Variants in ZNF248 observed in about 807,000 individuals in gnomAD.
ZNF248 encodes the protein zinc finger protein 248, also known as KRAB protein domain.
ZNF248 carries 20 observed loss-of-function variants against 44.3 expected under a neutral mutation model. The observed-to-expected ratio is 0.45, with a 90% CI of 0.32 to 0.66. ZNF248 has a LOEUF of 0.66. Among genes scored for constraint, ZNF248 ranks in the 30% least tolerant of loss-of-function variants. The pLI, the probability that ZNF248 is intolerant of heterozygous loss-of-function variation, is 0.04. For synonymous variants in ZNF248, 224 were observed against 229.0 expected (o/e 0.98, Z 0.20); for missense variants, 654 against 677.0 (o/e 0.97, Z 0.38).
the ZNF248 span, among the ~76,000 whole-genome samples, chr10:37,763,310 C>A: frequency 2.0e-5 from 3 of 152,208 alleles, no homozygotes; most frequent in Non-Finnish European, 2.9e-5. Flanking sequence ...TGCAAGACTG[C>A]CTCCTTTGAA....
At position 37,838,202 on chromosome 10, in the gene ZNF248, A is replaced by T. The variant is rs1784494722; in HGVS notation, c.16-91T>A. 1.6e-5 allele frequency: 20 copies of T among 1,260,226 alleles called. No homozygotes were observed. The South Asian group carries it at 2.9e-4, about 18-fold the overall frequency. The allele number at this position is 1,260,226 out of a possible 1,614,324, so 78.1% of individuals were successfully genotyped here. A position where few individuals can be genotyped will look rare whatever the true frequency, so the allele number is the denominator to read the frequency against. On this transcript the variant is annotated intron_variant, in intron 3 of 5. Coordinates refer to ENST00000395867, the MANE Select transcript of ZNF248 (RefSeq NM_021045.3). ...AACTAATCTCTTTAGAGTTTACTAA[A>T]AAATGACAGGTTACCTCCCTCTGTG...
At chr10:37,784,346 A>G (rs931506322) in intron 6 of ZNF248, among the ~76,000 whole-genome samples, 2 of 152,200 alleles carry the variant, frequency 1.3e-5, no homozygotes, top group East Asian at 3.9e-4. Context: ...CCCTTGAGTG[A>G]ATAATTGGAA....
chr10:37,817,793 C>A (rs193283887), intron 6 of ZNF248, among the ~76,000 whole-genome samples: 2 of 152,198 alleles, frequency 1.3e-5, no homozygotes, highest in South Asian at 2.1e-4. Context: ...CAAACACCAT[C>A]CCCAGCTGAG....
chr10:37,774,515 T>A (rs749802822), downstream of ZNF248, among the ~76,000 whole-genome samples: 45 of 152,248 alleles, frequency 3.0e-4, no homozygotes, highest in Admixed American at 5.2e-4. Context: ...ATAAAACACC[T>A]GGGGATATGC....
downstream of ZNF248, among the ~76,000 whole-genome samples, chr10:37,826,898 A>G (rs771251679): frequency 4.6e-5 from 7 of 152,212 alleles, no homozygotes; most frequent in Non-Finnish European, 1.0e-4. Context: ...TAAATTCTCT[A>G]CAGGCTCATA....
the ZNF248 span, among the ~76,000 whole-genome samples, chr10:37,761,755 A>G: frequency 6.6e-6 from 1 of 152,346 alleles, no homozygotes; most frequent in Non-Finnish European, 1.5e-5. Context: ...CTGAATTAAT[A>G]ATTCTTCAAA....
intron 3 of ZNF248, among the ~76,000 whole-genome samples, chr10:37,854,243 T>C (rs995775389): frequency 6.6e-5 from 10 of 152,072 alleles, no homozygotes; most frequent in Admixed American, 1.3e-4. Context: ...ATTAATAAAC[T>C]GGACAACAAA....
intron 3 of ZNF248, among the ~76,000 whole-genome samples, chr10:37,848,586 C>CA (rs11297654): frequency 9.1e-4 from 126 of 138,236 alleles, no homozygotes; most frequent in East Asian, 7.2e-3. Flanking sequence ...GACTCCGTCT[C>CA]AAAAAAAAAA....
At chr10:37,844,847 A>G (rs2058999434) in intron 3 of ZNF248, among the ~76,000 whole-genome samples, 1 of 152,202 alleles carries the variant, frequency 6.6e-6, no homozygotes, top group African/African-American at 2.4e-5. Flanking sequence ...AGCAACTGGC[A>G]GAAGTGAGTC....
intron 6 of ZNF248, among the ~76,000 whole-genome samples, chr10:37,809,090 T>C (rs1050242965): frequency 2.6e-5 from 4 of 152,210 alleles, no homozygotes; most frequent in African/African-American, 9.6e-5. Flanking sequence ...TCTTCATTTC[T>C]GATTTTAGTA....
chr10:37,798,746 G>T (rs1471860175), intron 6 of ZNF248, among the ~76,000 whole-genome samples: 2 of 151,992 alleles, frequency 1.3e-5, no homozygotes, highest in East Asian at 3.8e-4. Context: ...TTAAAAAAAT[G>T]AAAAAAATGC....
intron 3 of ZNF248, among the ~76,000 whole-genome samples, chr10:37,847,725 T>G (rs1407934606): frequency 6.8e-6 from 1 of 147,000 alleles, no homozygotes; most frequent in South Asian, 2.1e-4. Context: ...CTTACTGATA[T>G]GTTTACAAAA....
At position 37,786,328 on chromosome 10, in the gene ZNF248, A is replaced by T. The variant is rs563514135; in HGVS notation, c.331-9753T>A. 7.7e-4 allele frequency among the ~76,000 whole-genome samples: 117 copies of T among 152,314 alleles called. 1 individual carries two copies. Among genetic ancestry groups the T allele is most frequent in the Non-Finnish European group, 1.4e-3 (93 of 68,022 alleles). ...GATTATAGGTTGTTTTTATGCCCAC[A>T]GTGCCTCTGTGTTTCATGTCATTCC... On this transcript the variant is annotated intron_variant, in intron 6 of 6. Coordinates refer to the ZNF248 transcript ENST00000615949.
At chr10:37,785,037 A>C (rs565150340) in intron 6 of ZNF248, among the ~76,000 whole-genome samples, 4 of 152,318 alleles carry the variant, frequency 2.6e-5, no homozygotes, top group Middle Eastern at 3.4e-3. Flanking sequence ...ACATTTGGGA[A>C]TATTGTTTTG....
chr10:37,766,714 T>C, the ZNF248 span, among the ~76,000 whole-genome samples: 9,124 of 151,812 alleles, frequency 0.06, 354 homozygotes, highest in Middle Eastern at 0.095. Flanking sequence ...AAAAGCAGAG[T>C]ATCTCTCCTC....
downstream of ZNF248, among the ~76,000 whole-genome samples, chr10:37,771,734 C>A (rs1206041849): frequency 6.6e-6 from 1 of 151,942 alleles, no homozygotes; most frequent in Non-Finnish European, 1.5e-5. Context: ...TGTAACAAAC[C>A]TGCACATTGT....
At chr10:37,781,720 T>C (rs1452704179) in intron 6 of ZNF248, among the ~76,000 whole-genome samples, 2 of 152,320 alleles carry the variant, frequency 1.3e-5, no homozygotes, top group Admixed American at 6.5e-5. Context: ...TAGGTGACTA[T>C]AGTTTGTACA....
chr10:37,808,278 C>CTTTTTTTTTT (rs796239232), intron 6 of ZNF248, among the ~76,000 whole-genome samples: 1 of 137,604 alleles, frequency 7.3e-6, no homozygotes. Flanking sequence ...AACCTTTTTT[C>CTTTTTTTTTT]TTTTTTTTTT....
intron 6 of ZNF248, chr10:37,794,779 A>C (rs1298715364): frequency 1.3e-5 from 2 of 158,732 alleles, no homozygotes; most frequent in Middle Eastern, 2.6e-3. Context: ...ATGCACACTC[A>C]GTGTTGATGT....
Sources: allele counts gnomAD v4.1 joint callset (sites outside exome capture counted in the v4.1 genomes callset), GRCh38; gene constraint gnomAD v4.1.1; transcripts MANE v1.5; gene names NCBI Gene and HGNC (gene_info 2026-07-23, HGNC 2026-07-21).